TMEM14B: variants seen among roughly 807,000 people sequenced by gnomAD.
TMEM14B encodes transmembrane protein 14B.
A neutral mutation model predicts 14.8 loss-of-function variants in TMEM14B; 9 were observed. The observed-to-expected ratio is 0.61, with a 90% CI of 0.37 to 1.06. The LOEUF is 1.06. Ranked by LOEUF, TMEM14B falls within the 50% of genes least tolerant of loss-of-function variation. The pLI is 0.01. For missense variants in TMEM14B, 128 were observed against 143.6 expected (o/e 0.89, Z 0.56); for synonymous variants, 40 against 51.3 (o/e 0.78, Z 0.94).
downstream of TMEM14B, among the ~76,000 whole-genome samples, chr6:10,758,374 A>G (rs1561917339): frequency 6.6e-6 from 1 of 152,228 alleles, no homozygotes; most frequent in Non-Finnish European, 1.5e-5. Context: ...GGTGCCAAGT[A>G]GATCCCCATG....
At chr6:10,757,981 A>G (rs1229955976), downstream of TMEM14B, among the ~76,000 whole-genome samples, 2 of 148,236 alleles carry the variant, frequency 1.3e-5, no homozygotes, top group Admixed American at 1.4e-4. Flanking sequence ...ACAGGGTGAG[A>G]CTCTGTCTCA....
In TMEM14B at chr6:10,756,737, T is replaced by G. The variant is rs1362005385; in HGVS notation, c.*219T>G. The G allele has an allele frequency of 4.9e-6, 6 of 1,227,440 alleles. No individual in the cohort carries two copies. The highest frequency in any genetic ancestry group is 8.5e-5 in the Admixed American group (2 of 23,650). The allele number at this position is 1,227,440 out of a possible 1,614,324, so 76.0% of individuals were successfully genotyped here. On this transcript the variant is annotated 3_prime_UTR_variant, in exon 6 of 6. Coordinates refer to ENST00000379542, the MANE Select transcript of TMEM14B (RefSeq NM_030969.5). ...TAACATGAGCTTATTGAGACCATCA[T>G]AGAGATCGATTCTTGTATATTGATT...
downstream of TMEM14B, among the ~76,000 whole-genome samples, chr6:10,757,278 T>C (rs1049368304): frequency 6.6e-6 from 1 of 151,896 alleles, no homozygotes; most frequent in Non-Finnish European, 1.5e-5. Flanking sequence ...GTCATCCCAC[T>C]TCAGCCTCCT....
At chr6:10,753,225 A>C (rs1254122662) in intron 4 of TMEM14B, among the ~76,000 whole-genome samples, 15 of 152,018 alleles carry the variant, frequency 9.9e-5, no homozygotes, top group Non-Finnish European at 1.5e-4. Context: ...AACAAGAGCG[A>C]AACTCCGTTT....
intron 4 of TMEM14B, among the ~76,000 whole-genome samples, chr6:10,753,795 C>T (rs1420436842): frequency 6.6e-6 from 1 of 152,014 alleles, no homozygotes; most frequent in African/African-American, 2.4e-5. Context: ...CAGGTCTTGT[C>T]GACACTACCT....
chr6:10,748,174 C>T (rs1771402732), intron 1 of TMEM14B, among the ~76,000 whole-genome samples: 3 of 152,174 alleles, frequency 2.0e-5, no homozygotes, highest in South Asian at 4.2e-4. Flanking sequence ...TACTCAGTGC[C>T]GCCTCGAGTT....
chr6:10,759,060 A>C (rs1771896562), downstream of TMEM14B: 1 of 182,904 alleles, frequency 5.5e-6, no homozygotes, highest in African/African-American at 2.4e-5. Flanking sequence ...CTGGGATTTC[A>C]GGTGTGCACC....
At chr6:10,751,688 G>A (rs560129072) in intron 4 of TMEM14B, among the ~76,000 whole-genome samples, 13 of 152,160 alleles carry the variant, frequency 8.5e-5, no homozygotes, top group Admixed American at 2.0e-4. Flanking sequence ...TTGCAGCTGC[G>A]TTACGTTTTT....
chr6:10,759,454 A>G (rs1383318262), downstream of TMEM14B: 1 of 152,168 alleles, frequency 6.6e-6, no homozygotes, highest in Non-Finnish European at 1.5e-5. Flanking sequence ...AACATGTGCA[A>G]AGGAATCTGT....
At chr6:10,759,600 A>G (rs924284493), downstream of TMEM14B, 1 of 152,228 alleles carries the variant, frequency 6.6e-6, no homozygotes, top group African/African-American at 2.4e-5. Flanking sequence ...TCTTTGACAC[A>G]TTAAGCTGGA....
rs1771538949 is a variant in TMEM14B, at chr6:10,751,129, C to T, written c.101-4C>T. 1 of 1,613,402 alleles carries T rather than the reference C, an allele frequency of 6.2e-7. No homozygotes were observed. The highest frequency in any genetic ancestry group is 1.1e-5 in the South Asian group (1 of 91,082). Reference sequence around the variant, plus strand: ...CAATGCAAGCTGCGTTTGCTTCCTTCTAGGCAGCGTGCCGTCCCTGGCTGC... The same window carrying T: ...CAATGCAAGCTGCGTTTGCTTCCTTTTAGGCAGCGTGCCGTCCCTGGCTGC... On this transcript the variant is annotated splice_region_variant and splice_polypyrimidine_tract_variant and intron_variant, in intron 3 of 5. Coordinates refer to ENST00000379542, the MANE Select transcript of TMEM14B (RefSeq NM_030969.5).
At chr6:10,759,112 G>T (rs1190221658), downstream of TMEM14B, 1 of 163,148 alleles carries the variant, frequency 6.1e-6, no homozygotes, top group Non-Finnish European at 1.4e-5. Context: ...TAGAGATGGG[G>T]TTTCACCATG....
chr6:10,756,172 G>C (rs1050160620), intron 5 of TMEM14B, among the ~76,000 whole-genome samples: 1 of 152,204 alleles, frequency 6.6e-6, no homozygotes, highest in African/African-American at 2.4e-5. Context: ...AATCAGATCT[G>C]TGATGGTGGG....
chr6:10,755,359 T>A (rs757876676), intron 5 of TMEM14B, 127 bp downstream of exon 5: 1 of 1,553,454 alleles, frequency 6.4e-7, no homozygotes, highest in East Asian at 2.3e-5. Context: ...GTTTGACTTA[T>A]ACACTAATAG....
At chr6:10,748,098 C>T (rs1217544440) in intron 1 of TMEM14B, among the ~76,000 whole-genome samples, 1 of 152,106 alleles carries the variant, frequency 6.6e-6, no homozygotes, top group Non-Finnish European at 1.5e-5. Context: ...AAAGGCTTAC[C>T]CTTGTAGCAT....
At chr6:10,758,918 T>A (rs1231022869), downstream of TMEM14B, 1 of 157,338 alleles carries the variant, frequency 6.4e-6, no homozygotes, top group East Asian at 1.9e-4. Flanking sequence ...TCTTTTTTTT[T>A]TTTTTTTTTT....
At chr6:10,750,056 T>C in intron 3 of TMEM14B, 1 of 283,758 alleles carries the variant, frequency 3.5e-6, no homozygotes, top group Non-Finnish European at 6.8e-6. Flanking sequence ...TATTTTGAAG[T>C]TTCCTCATTA....
chr6:10,753,825 G>A (rs1771691077), intron 4 of TMEM14B, among the ~76,000 whole-genome samples: 1 of 150,892 alleles, frequency 6.6e-6, no homozygotes, highest in Admixed American at 6.6e-5. Context: ...ATCCTGAGTT[G>A]TCCTCTTTTT....
At chr6:10,749,916 C>G (rs1397562028) in intron 3 of TMEM14B, 23 of 611,834 alleles carry the variant, frequency 3.8e-5, no homozygotes, top group Middle Eastern at 4.4e-4. Flanking sequence ...CTTATTTTTG[C>G]CTCTTTATCT....
Sources: gnomAD v4.1 joint callset for allele counts (sites outside exome capture counted in the v4.1 genomes callset) on GRCh38, gnomAD v4.1.1 for gene constraint, MANE v1.5 for transcripts, NCBI Gene and HGNC (gene_info 2026-07-23, HGNC 2026-07-21) for gene names.